The following STX11 variants were observed in gnomAD, a reference collection of about 807,000 sequenced individuals.
The protein encoded by STX11 is syntaxin 11, also known as syntaxin-11.
Under a neutral mutation model 19.9 loss-of-function variants are expected in STX11, and 21 were observed. That is an observed-to-expected ratio of 1.06 (90% CI 0.75 to 1.52). The LOEUF (loss-of-function observed/expected upper bound fraction) is 1.52, where lower values mean the gene tolerates loss of function less well. Ranked by LOEUF, STX11 falls within the 40% of genes most tolerant of loss-of-function variation. The pLI, the probability that STX11 is intolerant of heterozygous loss-of-function variation, is 0.00. For missense variants in STX11, 438 were observed against 405.9 expected (o/e 1.08, Z -0.68); for synonymous variants, 193 against 174.4 (o/e 1.11, Z -0.84).
chr6:144,147,420 C>T (rs373823047), upstream of STX11, among the ~76,000 whole-genome samples: 2 of 152,146 alleles, frequency 1.3e-5, no homozygotes, highest in African/African-American at 2.4e-5. This position sits in a 1 kb window ranked among gnomAD's most constrained non-coding sequence, Gnocchi z 4.2. Flanking sequence ...AATTTGGCTC[C>T]TGAAACGTGC....
rs1247308203 is a variant in STX11, at chr6:144,177,094, C to T, written c.-5-9529C>T. On this transcript the variant is annotated intron_variant, in intron 1 of 1. Transcript: ENST00000367568. The surrounding 1 kb of genome is among the most constrained non-coding windows in gnomAD (Gnocchi z 4.4). ...GATAAAGGAATGTAAAAATTCTTAA[C>T]TGGTGTTACGAGTTGGAAAAGAAAA... 1.3e-5 allele frequency among the ~76,000 whole-genome samples: 2 copies of T among 152,320 alleles called. No homozygotes were observed. The highest frequency in any genetic ancestry group is 3.9e-4 in the East Asian group (2 of 5,184).
Position 144,153,927 on chromosome 6 carries a change from C to G in STX11, c.-6+3224C>G, listed in dbSNP as rs7762250. 0.042 allele frequency among the ~76,000 whole-genome samples: 6,365 copies of G among 152,226 alleles called. 302 individuals are homozygous for G. Among genetic ancestry groups the G allele is most frequent in the East Asian group, 0.22 (1,132 of 5,178 alleles). ...TGAGGAGCTCACACAGTACTTGGCA[C>G]ATAATCAGTGCTCATTAAGATTTTT... On this transcript the variant is annotated intron_variant, in intron 1 of 1. Transcript: ENST00000367568. The surrounding 1 kb of genome is among the most constrained non-coding windows in gnomAD (Gnocchi z 5.0).
chr6:144,179,263 G>T (rs753263794), intron 1 of STX11, among the ~76,000 whole-genome samples: 5 of 152,262 alleles, frequency 3.3e-5, no homozygotes, highest in Middle Eastern at 6.8e-3. Context: ...ATCTCCCACC[G>T]GATCCCTCGC....
At chr6:144,140,262 A>ATATATATATATT in the STX11 span, among the ~76,000 whole-genome samples, 1 of 55,128 alleles carries the variant, frequency 1.8e-5, no homozygotes, top group African/African-American at 1.3e-4. Context: ...ATATTTATTT[A>ATATATATATATT]TTTATTTTTT....
At position 144,167,193 on chromosome 6, in the gene STX11, G is replaced by T. The variant is rs1184644108; in HGVS notation, c.-6+16490G>T. Among the ~76,000 whole-genome samples the T allele has an allele frequency of 6.6e-6, 1 of 152,130 alleles. No individual in the cohort carries two copies. The highest frequency in any genetic ancestry group is 1.5e-5 in the Non-Finnish European group (1 of 68,030). On this transcript the variant is annotated intron_variant, in intron 1 of 1. Coordinates refer to ENST00000367568, the MANE Select transcript of STX11 (RefSeq NM_003764.4). The surrounding 1 kb of genome is among the most constrained non-coding windows in gnomAD (Gnocchi z 5.0). ...TTTTATAGAATTAGTATATATAGTT[G>T]TATTAGATGATGGAAAATTGTTACT...
In STX11 at chr6:144,164,325, T is replaced by A. The variant is rs78448181; in HGVS notation, c.-6+13622T>A. Among the ~76,000 whole-genome samples, 720 of 152,344 alleles carry A rather than the reference T, an allele frequency of 4.7e-3. 28 individuals are homozygous for A. The East Asian group carries it at 0.085, about 18-fold the overall frequency. Reference sequence around the variant, plus strand: ...TTTAGCTAATAGAATTGAGGTATTTTAATATTATGTTAAAATCAAATGATA... The same window carrying A: ...TTTAGCTAATAGAATTGAGGTATTTAAATATTATGTTAAAATCAAATGATA... On this transcript the variant is annotated intron_variant, in intron 1 of 1. Coordinates refer to ENST00000367568, the MANE Select transcript of STX11 (RefSeq NM_003764.4).
At position 144,177,364 on chromosome 6, in the gene STX11, A is replaced by G. The variant is rs1375933229; in HGVS notation, c.-5-9259A>G. 1.3e-5 allele frequency among the ~76,000 whole-genome samples: 2 copies of G among 152,250 alleles called. No individual in the cohort carries two copies. The highest frequency in any genetic ancestry group is 6.5e-5 in the Admixed American group (1 of 15,282). On this transcript the variant is annotated intron_variant, in intron 1 of 1. Transcript: ENST00000367568. The surrounding 1 kb of genome is among the most constrained non-coding windows in gnomAD (Gnocchi z 4.4). Reference sequence around the variant, plus strand: ...ACAACAACTGTTTTAGTTTGTAAATACTAATAGAGATACAAGTGGAAAAAT... The same window carrying G: ...ACAACAACTGTTTTAGTTTGTAAATGCTAATAGAGATACAAGTGGAAAAAT...
Position 144,172,438 on chromosome 6 carries a change from C to T in STX11, c.-5-14185C>T, listed in dbSNP as rs538540953. 3.9e-5 allele frequency among the ~76,000 whole-genome samples: 6 copies of T among 152,152 alleles called. No individual in the cohort carries two copies. Among genetic ancestry groups the T allele is most frequent in the Non-Finnish European group, 8.8e-5 (6 of 68,032 alleles). ...GCAGATAAGCCCCAAGGTGCTAGTGCTGTTGAAGCCTCTGCTTGCTCCATG... is the reference window on the plus strand; with the variant it reads ...GCAGATAAGCCCCAAGGTGCTAGTGTTGTTGAAGCCTCTGCTTGCTCCATG... On this transcript the variant is annotated intron_variant, in intron 1 of 1. Transcript: ENST00000367568. This position sits in a 1 kb window ranked among gnomAD's most constrained non-coding sequence, Gnocchi z 4.2.
Position 144,191,743 on chromosome 6 carries a change from G to A in STX11, c.*4252G>A, listed in dbSNP as rs1802211652. ...AACAGTTGACTTCCTTTTGATAGCG[G>A]AGTTGAAAATCATTGCAATTAATAA... is the stretch of plus-strand genomic sequence containing the variant. On this transcript the variant is annotated 3_prime_UTR_variant, in exon 2 of 2. Transcript: ENST00000367568. 1.3e-5 allele frequency among the ~76,000 whole-genome samples: 2 copies of A among 152,236 alleles called. No individual in the cohort carries two copies. The highest frequency in any genetic ancestry group is 4.1e-4 in the South Asian group (2 of 4,824).
intron 1 of STX11, among the ~76,000 whole-genome samples, 153 bp downstream of exon 1, chr6:144,150,856 C>G (rs374059404): frequency 2.0e-5 from 3 of 152,200 alleles, no homozygotes; most frequent in Non-Finnish European, 4.4e-5. Flanking sequence ...GGCGCAGGTC[C>G]TCACGCCGCC....
chr6:144,182,526 A>G lies in STX11; in HGVS notation c.-5-4097A>G, dbSNP rs958122042. 1.3e-5 allele frequency among the ~76,000 whole-genome samples: 2 copies of G among 152,122 alleles called. No individual in the cohort carries two copies. The highest frequency in any genetic ancestry group is 2.9e-5 in the Non-Finnish European group (2 of 68,012). On this transcript the variant is annotated intron_variant, in intron 1 of 1. Coordinates refer to ENST00000367568, the MANE Select transcript of STX11 (RefSeq NM_003764.4). This position sits in a 1 kb window ranked among gnomAD's most constrained non-coding sequence, Gnocchi z 4.8. Reference sequence around the variant, plus strand: ...TCACATGAGCTTGGGCCCTTACCTGATTTATAATTTGCTATCTATGACTTT... The same window carrying G: ...TCACATGAGCTTGGGCCCTTACCTGGTTTATAATTTGCTATCTATGACTTT...
At chr6:144,164,719 G>A (rs1288193821) in intron 1 of STX11, among the ~76,000 whole-genome samples, 1 of 152,040 alleles carries the variant, frequency 6.6e-6, no homozygotes, top group African/African-American at 2.4e-5. Context: ...TTGAGACAGA[G>A]TTTTGCTCTT....
At position 144,150,718 on chromosome 6, in the gene STX11, T is replaced by G; in HGVS notation, c.-6+15T>G. ...TCCCAGTCCAGGTTTGTTTTTCTCTTCCTGAGCCCCCATTTCTCTTCCTGA... is the reference window on the plus strand; with the variant it reads ...TCCCAGTCCAGGTTTGTTTTTCTCTGCCTGAGCCCCCATTTCTCTTCCTGA... On this transcript the variant is annotated intron_variant, in intron 1 of 1. Transcript: ENST00000367568. 2.1e-6 allele frequency: 2 copies of G among 972,044 alleles called. No homozygotes were observed. The highest frequency in any genetic ancestry group is 1.2e-6 in the Non-Finnish European group (1 of 826,856). The allele number at this position is 972,044 out of a possible 1,614,324, so 60.2% of individuals were successfully genotyped here.
upstream of STX11, among the ~76,000 whole-genome samples, chr6:144,149,000 C>G (rs1165790650): frequency 7.2e-5 from 11 of 152,182 alleles, no homozygotes; most frequent in Non-Finnish European, 2.9e-5. Flanking sequence ...CATTATGAGA[C>G]TGAGGTTATG....
At position 144,151,997 on chromosome 6, in the gene STX11, C is replaced by T. The variant is rs898569380; in HGVS notation, c.-6+1294C>T. On this transcript the variant is annotated intron_variant, in intron 1 of 1. Coordinates refer to ENST00000367568, the MANE Select transcript of STX11 (RefSeq NM_003764.4). The surrounding 1 kb of genome is among the most constrained non-coding windows in gnomAD (Gnocchi z 4.6). ...TGAATTCAGCCTCAAACAACAGTTA[C>T]CAGGTACCTTCTCTGTGCCAGCCTC... Among the ~76,000 whole-genome samples, 4 of 152,162 alleles carry T rather than the reference C, an allele frequency of 2.6e-5. No individual in the cohort carries two copies. Among genetic ancestry groups the T allele is most frequent in the African/African-American group, 9.7e-5 (4 of 41,410 alleles).
intron 1 of STX11, 102 bp from the exon 2 acceptor site, chr6:144,186,521 A>G: frequency 8.8e-6 from 13 of 1,477,232 alleles, no homozygotes; most frequent in Non-Finnish European, 1.2e-5. Context: ...ACCGAGGAAT[A>G]CAAAATTGGG....
In STX11 at chr6:144,153,608, C is replaced by A. The variant is rs1422684288; in HGVS notation, c.-6+2905C>A. On this transcript the variant is annotated intron_variant, in intron 1 of 1. Transcript: ENST00000367568. The surrounding 1 kb of genome is among the most constrained non-coding windows in gnomAD (Gnocchi z 5.0). ...CAGGTATGTGTTTAAAAAATAATAA[C>A]AAAACTTGGAATTTTAAAAATCTTA... Among the ~76,000 whole-genome samples the A allele has an allele frequency of 6.6e-6, 1 of 152,126 alleles. No homozygotes were observed. Among genetic ancestry groups the A allele is most frequent in the Non-Finnish European group, 1.5e-5 (1 of 68,014 alleles).
In STX11 at chr6:144,187,572, C is replaced by T; in HGVS notation, c.*81C>T. Reference sequence around the variant, plus strand: ...ACGCACCAAAGCCGGGAGCTCTGCCCTGCAGGGAGTTGCCCCAACCCTTTC... The same window carrying T: ...ACGCACCAAAGCCGGGAGCTCTGCCTTGCAGGGAGTTGCCCCAACCCTTTC... On this transcript the variant is annotated 3_prime_UTR_variant, in exon 2 of 2. Coordinates refer to ENST00000367568, the MANE Select transcript of STX11 (RefSeq NM_003764.4). The surrounding 1 kb of genome is among the most constrained non-coding windows in gnomAD (Gnocchi z 5.6). The T allele has an allele frequency of 1.3e-6, 2 of 1,585,790 alleles. No individual in the cohort carries two copies. Among genetic ancestry groups the T allele is most frequent in the Admixed American group, 3.5e-5 (2 of 57,446 alleles).
Position 144,186,635 on chromosome 6 carries a change from A to G in STX11, c.8A>G (p.Asp3Gly). 6.2e-7 allele frequency: 1 copy of G among 1,614,118 alleles called. No homozygotes were observed. Among genetic ancestry groups the G allele is most frequent in the Non-Finnish European group, 8.5e-7 (1 of 1,180,034 alleles). The change falls in exon 2 of 2, where the codon GAC (aspartate) becomes GGC (glycine). Residue 3 changes from aspartate (D) to glycine (G), a missense_variant. By Grantham distance (94) the Asp-to-Gly change is moderately conservative. Coordinates refer to ENST00000367568, the MANE Select transcript of STX11 (RefSeq NM_003764.4). MK[D>G]RLAELLDLSK... ...TCTCTACTTGCAGGCAAAATGAAAGACCGGCTAGCAGAACTTCTGGACTTG... is the reference window on the plus strand; with the variant it reads ...TCTCTACTTGCAGGCAAAATGAAAGGCCGGCTAGCAGAACTTCTGGACTTG...
Sources: gnomAD v4.1 joint callset for allele counts (sites outside exome capture counted in the v4.1 genomes callset) on GRCh38, gnomAD v4.1.1 for gene constraint, Gnocchi (gnomAD v3.1) non-coding constraint, MANE v1.5 for transcripts, NCBI Gene and HGNC (gene_info 2026-07-23, HGNC 2026-07-21) for gene names.